NUP93: variants seen among roughly 807,000 people sequenced by gnomAD.
NUP93 encodes nucleoporin 93, also known as nuclear pore complex protein Nup93.
A neutral mutation model predicts 107.8 loss-of-function variants in NUP93; 55 were observed. The ratio of observed to expected loss-of-function variants is 0.51; its 90% CI spans 0.41 to 0.64. The LOEUF (loss-of-function observed/expected upper bound fraction) is 0.64. Ranked by LOEUF, NUP93 falls within the 30% of genes least tolerant of loss-of-function variation. The probability of loss-of-function intolerance (pLI) is 0.00; values close to 1 mark genes in which losing one functional copy is unlikely to be tolerated. For synonymous variants in NUP93, 390 were observed against 397.5 expected (o/e 0.98, Z 0.22); for missense variants, 937 against 1,044.7 (o/e 0.90, Z 1.42).
chr16:56,833,402 G>C lies in NUP93; in HGVS notation c.1533G>C (p.Gln511His), dbSNP rs1237333004. The C allele has an allele frequency of 6.6e-7, 1 of 1,526,148 alleles. No individual in the cohort carries two copies. Among genetic ancestry groups the C allele is most frequent in the Non-Finnish European group, 8.7e-7 (1 of 1,144,154 alleles). The allele number at this position is 1,526,148 out of a possible 1,614,324, so 94.5% of individuals were successfully genotyped here. A position where few individuals can be genotyped will look rare whatever the true frequency, so the allele number is the denominator to read the frequency against. Residue 511 changes from glutamine (Q) to histidine (H), a missense_variant, in exon 13 of 22, where the codon CAG becomes CAC. Coordinates refer to ENST00000308159, the MANE Select transcript of NUP93 (RefSeq NM_014669.5). ...TAAAGTCCTCTGGACAGAGTGCTCA[G>C]CTCCGTGAGTATTTGGGATTGGATT... ...LLLKSSGQSAQLLSHEPGDPP... is the reference protein window; with the variant it reads ...LLLKSSGQSAHLLSHEPGDPP...
At chr16:56,768,601 C>T (rs185257514) in intron 3 of NUP93, among the ~76,000 whole-genome samples, 246 of 150,978 alleles carry the variant, frequency 1.6e-3, no homozygotes, top group Middle Eastern at 3.4e-3. Flanking sequence ...GGTGTGGTGG[C>T]TCACGCCTGT....
In NUP93 at chr16:56,832,324, C is replaced by T. The variant is rs760495734; in HGVS notation, c.1281C>T (p.Gly427=). The change falls in exon 12 of 22, where the codon GGC becomes GGT. Residue 427 remains glycine, a synonymous_variant. Transcript: ENST00000308159. ...KLNQVCFDDD[G]TSSPQDRLTL... is the part of the protein sequence containing the mutation. ...ACCAAGTGTGTTTTGACGACGATGGCACCAGCTCCCCACAAGACAGGCTCA... is the reference window on the plus strand; with the variant it reads ...ACCAAGTGTGTTTTGACGACGATGGTACCAGCTCCCCACAAGACAGGCTCA... 3 of 1,614,150 alleles carry T rather than the reference C, an allele frequency of 1.9e-6. No homozygotes were observed. Among genetic ancestry groups the T allele is most frequent in the South Asian group, 1.1e-5 (1 of 91,088 alleles).
At position 56,835,544 on chromosome 16, in the gene NUP93, G is replaced by T. The variant is rs146389243; in HGVS notation, c.1782+766G>T. On this transcript the variant is annotated intron_variant, in intron 16 of 21. Transcript: ENST00000308159. The stretch of plus-strand genomic sequence containing the variant: ...GCTTTGCATAGTTTCTTCTTTAACA[G>T]GCTGCACTGGGGCCAGGAGGCTCCT... Among the ~76,000 whole-genome samples the T allele has an allele frequency of 6.4e-3, 974 of 152,296 alleles. 9 individuals carry two copies. Among genetic ancestry groups the T allele is most frequent in the African/African-American group, 0.022 (924 of 41,556 alleles).
intron 3 of NUP93, among the ~76,000 whole-genome samples, chr16:56,769,256 A>G (rs1646990110): frequency 6.6e-6 from 1 of 152,248 alleles, no homozygotes; most frequent in African/African-American, 2.4e-5. Context: ...ATTCATTTAG[A>G]GCAAAATAAA....
rs1440263390 is a variant in NUP93 at position 56,775,020 on chromosome 16, C to T, written c.297+16365C>T. ...GGTCGAGTGATCCTCCCACCTCAAC[C>T]TCCCGAGTAGCTGGGACTACAGGCA... On this transcript the variant is annotated intron_variant, in intron 3 of 21. Transcript: ENST00000308159. Among the ~76,000 whole-genome samples the T allele has an allele frequency of 3.8e-4, 57 of 151,980 alleles. 2 individuals carry two copies. Among genetic ancestry groups the T allele is most frequent in the Non-Finnish European group, 1.2e-4 (8 of 67,992 alleles).
rs181790728 is a variant in NUP93, at chr16:56,803,456, T to A, written c.361-2048T>A. Reference sequence around the variant, plus strand: ...CTCCAGCCTGGGCAACAGAAAAAAATAATAATAATAATAATAAAACACTGG... The same window carrying A: ...CTCCAGCCTGGGCAACAGAAAAAAAAAATAATAATAATAATAAAACACTGG... On this transcript the variant is annotated intron_variant, in intron 4 of 21. Transcript: ENST00000308159. Among the ~76,000 whole-genome samples, 876 of 151,428 alleles carry A rather than the reference T, an allele frequency of 5.8e-3. 5 individuals are homozygous for A. Among genetic ancestry groups the A allele is most frequent in the East Asian group, 0.021 (107 of 5,162 alleles).
At chr16:56,820,100 TCTACACC>T (rs1286757205) in intron 6 of NUP93, among the ~76,000 whole-genome samples, 1 of 152,200 alleles carries the variant, frequency 6.6e-6, no homozygotes, top group African/African-American at 2.4e-5. Context: ...CTATGTGTCT[TCTACACC>T]TGCAAAGACT....
At chr16:56,768,424 G>A (rs986166299) in intron 3 of NUP93, among the ~76,000 whole-genome samples, 7 of 152,076 alleles carry the variant, frequency 4.6e-5, no homozygotes, top group East Asian at 1.9e-4. Flanking sequence ...TTAGCTGGGC[G>A]TGGTGGCGCA....
intron 3 of NUP93, among the ~76,000 whole-genome samples, chr16:56,790,826 ACTT>A (rs1962745330): frequency 6.6e-6 from 1 of 152,098 alleles, no homozygotes. Flanking sequence ...TACTTATTGG[ACTT>A]CTTGTTTTAT....
chr16:56,792,422 A>G (rs1962787720), intron 3 of NUP93, among the ~76,000 whole-genome samples: 1 of 152,244 alleles, frequency 6.6e-6, no homozygotes. Context: ...GAAGAGGGAA[A>G]ACAAGGGGTC....
At chr16:56,789,806 A>C (rs1962713871) in intron 3 of NUP93, among the ~76,000 whole-genome samples, 1 of 152,198 alleles carries the variant, frequency 6.6e-6, no homozygotes, top group South Asian at 2.1e-4. Flanking sequence ...TTTGTAGAAA[A>C]CAAGCAACAG....
intron 9 of NUP93, 39 bp from the exon 10 acceptor site, chr16:56,830,489 T>C (rs759720834): frequency 9.9e-6 from 15 of 1,519,870 alleles, no homozygotes; most frequent in Non-Finnish European, 1.3e-5. Flanking sequence ...AGTCAGCCTT[T>C]CCTTGTTTAT....
At chr16:56,761,383 G>A (rs1299866351) in intron 3 of NUP93, among the ~76,000 whole-genome samples, 5 of 152,162 alleles carry the variant, frequency 3.3e-5, no homozygotes, top group Admixed American at 3.3e-4. Context: ...CTCATAATGT[G>A]TTGGTTATCC....
chr16:56,842,969 G>A (rs894276896), intron 21 of NUP93, among the ~76,000 whole-genome samples: 1 of 152,182 alleles, frequency 6.6e-6, no homozygotes, highest in Admixed American at 6.5e-5. Context: ...AAGAAGCCTT[G>A]ATCTGTCTTC....
At chr16:56,816,362 A>G (rs1365278622) in intron 5 of NUP93, among the ~76,000 whole-genome samples, 2 of 152,154 alleles carry the variant, frequency 1.3e-5, no homozygotes, top group Non-Finnish European at 2.9e-5. Context: ...TAGCTTGAAT[A>G]GGGGTATATA....
intron 1 of NUP93, among the ~76,000 whole-genome samples, chr16:56,742,973 A>G (rs1360834888): frequency 2.6e-5 from 4 of 152,358 alleles, no homozygotes; most frequent in East Asian, 3.9e-4. Flanking sequence ...TTTTAATATA[A>G]TAAGCATGAA....
intron 1 of NUP93, 138 bp from the exon 2 acceptor site, chr16:56,748,096 A>G: frequency 1.8e-6 from 1 of 565,678 alleles, no homozygotes. Flanking sequence ...TCAGGAACAA[A>G]TCCTGCTTGT....
At chr16:56,828,010 C>T (rs1963703290) in intron 8 of NUP93, among the ~76,000 whole-genome samples, 1 of 151,970 alleles carries the variant, frequency 6.6e-6, no homozygotes, top group Non-Finnish European at 1.5e-5. Context: ...ATCCCAGCTG[C>T]TTGGGAGGCT....
At chr16:56,793,755 C>T (rs527695832) in intron 3 of NUP93, among the ~76,000 whole-genome samples, 1 of 152,238 alleles carries the variant, frequency 6.6e-6, no homozygotes, top group East Asian at 1.9e-4. Flanking sequence ...CTCACTGCCA[C>T]TAGATGGCAC....
Sources: allele counts gnomAD v4.1 joint callset (sites outside exome capture counted in the v4.1 genomes callset), GRCh38; gene constraint gnomAD v4.1.1; transcripts MANE v1.5; gene names NCBI Gene and HGNC (gene_info 2026-07-23, HGNC 2026-07-21).